The following NECAB2 variants were observed in gnomAD, a reference collection of about 807,000 sequenced individuals.
The protein encoded by NECAB2 is N-terminal EF-hand calcium-binding protein 2.
NECAB2 carries 68 observed loss-of-function variants against 51.9 expected under a neutral mutation model. That is an observed-to-expected ratio of 1.31 (90% confidence interval 1.08 to 1.60). The LOEUF (loss-of-function observed/expected upper bound fraction) is 1.60. Among genes scored for constraint, NECAB2 ranks in the 40% most tolerant of loss-of-function variants. The probability of loss-of-function intolerance (pLI) is 0.00; values close to 1 mark genes in which losing one functional copy is unlikely to be tolerated. For missense variants in NECAB2, 854 were observed against 490.3 expected (o/e 1.74, Z -7.00); for synonymous variants, 329 against 203.5 (o/e 1.62, Z -5.25).
At chr16:83,978,805 C>T (rs995148361) in intron 3 of NECAB2, among the ~76,000 whole-genome samples, 1 of 152,010 alleles carries the variant, frequency 6.6e-6, no homozygotes, top group African/African-American at 2.4e-5. Context: ...CCTGGTTTTG[C>T]ACAGTGGACA....
At chr16:83,997,337 G>T (rs1390789209) in intron 9 of NECAB2, 68 bp downstream of exon 9, 3 of 1,597,448 alleles carry the variant, frequency 1.9e-6, no homozygotes, top group African/African-American at 1.3e-5. Flanking sequence ...CAAGATCCAA[G>T]TGGCTCAATG....
rs561116339 is a variant in NECAB2, at chr16:84,001,660, CCTCCCTGGG to C, written c.1041-163_1041-155del. ...AGCTCACTGCCCACCCCAGAGTCAGCCTCCCTGGGCACCCCCTCACCTTCCCACAAAGGC... is the reference window on the plus strand; with the variant it reads ...AGCTCACTGCCCACCCCAGAGTCAGCCACCCCCTCACCTTCCCACAAAGGC... On this transcript the variant is annotated intron_variant, in intron 11 of 12. Transcript: ENST00000305202. Among the ~76,000 whole-genome samples the C allele has an allele frequency of 1.5e-3, 208 of 140,184 alleles. 1 individual carries two copies. The highest frequency in any genetic ancestry group is 6.7e-3 in the African/African-American group (204 of 30,620). 92.0% of individuals were successfully genotyped at this position (140,184 alleles called of 152,430 possible). A position where few individuals can be genotyped will look rare whatever the true frequency, so the allele number is the denominator to read the frequency against.
chr16:83,983,782 T>G (rs1236825113), intron 5 of NECAB2, among the ~76,000 whole-genome samples: 1 of 152,086 alleles, frequency 6.6e-6, no homozygotes, highest in Non-Finnish European at 1.5e-5. Flanking sequence ...AGCTTGGGAA[T>G]GATTTTGTGA....
At chr16:83,996,379 C>T (rs549269120) in intron 8 of NECAB2, among the ~76,000 whole-genome samples, 69 of 152,322 alleles carry the variant, frequency 4.5e-4, no homozygotes, top group African/African-American at 1.4e-3. Flanking sequence ...AATGAGCGTG[C>T]AAGGTCCCTT....
chr16:84,000,942 C>CTTGCGTCAGTAAA, intron 11 of NECAB2, 141 bp downstream of exon 11: 2 of 781,238 alleles, frequency 2.6e-6, no homozygotes, highest in Non-Finnish European at 4.2e-6. Flanking sequence ...CGCTGGCATG[C>CTTGCGTCAGTAAA]TTGCGTCAGT....
chr16:83,998,255 C>A lies in NECAB2; in HGVS notation c.900C>A (p.Ser300Arg), dbSNP rs142373353. 1.9e-6 allele frequency: 3 copies of A among 1,612,988 alleles called. No homozygotes were observed. The highest frequency in any genetic ancestry group is 1.1e-5 in the South Asian group (1 of 91,082). ...QEMAVCPEQL[S>R]EFLDSLRQYL... ...TGGCCGTGTGCCCCGAGCAACTGAG[C>A]GAGTTTCTGGACTCTCTGCGCCAGT... Residue 300 changes from serine (S) to arginine (R), a missense_variant, in exon 10 of 13, where the codon AGC (serine) becomes AGA (arginine). Ser to Arg is a moderately radical substitution (Grantham distance 110). Coordinates refer to ENST00000305202, the MANE Select transcript of NECAB2 (RefSeq NM_019065.3).
intron 2 of NECAB2, among the ~76,000 whole-genome samples, chr16:83,974,785 G>T (rs1438440589): frequency 1.3e-5 from 2 of 152,174 alleles, no homozygotes; most frequent in Non-Finnish European, 2.9e-5. Flanking sequence ...TGTGGGAATA[G>T]AATGGCTGGG....
chr16:83,979,898 G>A (rs1222517594), intron 3 of NECAB2, among the ~76,000 whole-genome samples: 3 of 152,208 alleles, frequency 2.0e-5, no homozygotes, highest in East Asian at 1.9e-4. Context: ...CCAAAACAGT[G>A]TACAAACCAT....
In NECAB2 at chr16:84,002,308, C is replaced by G; in HGVS notation, c.1133-10C>G. 1.2e-6 allele frequency: 2 copies of G among 1,613,914 alleles called. No individual in the cohort carries two copies. The highest frequency in any genetic ancestry group is 1.3e-5 in the African/African-American group (1 of 75,038). The stretch of plus-strand genomic sequence containing the variant: ...CACTCCTTCCCTCTAACGTGTCTCT[C>G]TCCTTTTAGCTGCTTGGTGCACGGT... On this transcript the variant is annotated splice_polypyrimidine_tract_variant and intron_variant, in intron 12 of 12. Transcript: ENST00000305202.
At chr16:84,000,621 G>C in intron 10 of NECAB2, 103 bp from the exon 11 acceptor site, 2 of 832,172 alleles carry the variant, frequency 2.4e-6, no homozygotes, top group South Asian at 3.2e-5. Flanking sequence ...ATTGAAGGCA[G>C]CCGTTGTGTA....
chr16:83,993,563 G>C (rs2084653113), intron 6 of NECAB2: 1 of 154,030 alleles, frequency 6.5e-6, no homozygotes. Flanking sequence ...GGAGGATTTG[G>C]TCATTCATTG....
chr16:83,965,540 G>A, upstream of NECAB2: 1 of 1,612,746 alleles, frequency 6.2e-7, no homozygotes, highest in Non-Finnish European at 8.5e-7. Flanking sequence ...GGACGACCCT[G>A]GCCTGGTGTT....
rs1555548097 is a variant in NECAB2 at position 83,992,380 on chromosome 16, C to CCCCA, written c.596+1753_596+1754insACCC. Among the ~76,000 whole-genome samples, 112 of 145,240 alleles carry CCCCA rather than the reference C, an allele frequency of 7.7e-4. No homozygotes were observed. The Middle Eastern group carries it at 0.01, about 14-fold the overall frequency. ...TCCCGGGGAACACGAGCACCCGTCC[C>CCCCA]CCCGCCCACCTCCATTTGCTGTTTC... On this transcript the variant is annotated intron_variant, in intron 6 of 12. Transcript: ENST00000305202.
At chr16:83,966,070 G>A, upstream of NECAB2, 1 of 1,299,544 alleles carries the variant, frequency 7.7e-7, no homozygotes, top group Non-Finnish European at 1.0e-6. Context: ...ATCCCTGCTG[G>A]ATGCAGGACC....
In NECAB2 at chr16:83,984,048, T is replaced by C. The variant is rs1386553684; in HGVS notation, c.459+2921T>C. Among the ~76,000 whole-genome samples, 6 of 148,222 alleles carry C rather than the reference T, an allele frequency of 4.0e-5. No homozygotes were observed. In the South Asian group the frequency reaches 6.6e-4, roughly 16 times the overall value. ...TCTCGCTCTGTCATCCAGGCTGGAG[T>C]GCAGTGGCACAGTCCCAGCTCACTG... On this transcript the variant is annotated intron_variant, in intron 5 of 12. Transcript: ENST00000305202.
At position 84,002,597 on chromosome 16, in the gene NECAB2, T is replaced by A. The variant is rs113780577; in HGVS notation, c.*251T>A. ...GGCGGCTTCCTGGAGCCAGCACCCCTGCCTCCTGGTCCTGGCCTCTCCCCT... is the reference window on the plus strand; with the variant it reads ...GGCGGCTTCCTGGAGCCAGCACCCCAGCCTCCTGGTCCTGGCCTCTCCCCT... On this transcript the variant is annotated 3_prime_UTR_variant, in exon 13 of 13. Transcript: ENST00000305202. 5,213 of 579,412 alleles carry A rather than the reference T, an allele frequency of 9.0e-3. 36 individuals are homozygous for A. Among genetic ancestry groups the A allele is most frequent in the Non-Finnish European group, 0.013 (4,203 of 325,066 alleles). 35.9% of individuals were successfully genotyped at this position (579,412 alleles called of 1,614,324 possible). A position where few individuals can be genotyped will look rare whatever the true frequency, so the allele number is the denominator to read the frequency against.
At chr16:83,999,468 G>A (rs778767687) in intron 10 of NECAB2, among the ~76,000 whole-genome samples, 25 of 152,156 alleles carry the variant, frequency 1.6e-4, no homozygotes, top group Non-Finnish European at 2.8e-4. Context: ...AGAGCCAGGT[G>A]AGATTCTACT....
At chr16:83,999,958 C>T (rs2084792110) in intron 10 of NECAB2, among the ~76,000 whole-genome samples, 1 of 152,212 alleles carries the variant, frequency 6.6e-6, no homozygotes, top group Non-Finnish European at 1.5e-5. Context: ...GGAAGCTCAG[C>T]TCACTGCAAC....
At chr16:84,001,702 C>T in intron 11 of NECAB2, 123 bp from the exon 12 acceptor site, 1 of 1,019,800 alleles carries the variant, frequency 9.8e-7, no homozygotes, top group African/African-American at 1.7e-5. Context: ...GGCTCTGAGT[C>T]CAAAGACCCC....
Sources: allele counts gnomAD v4.1 joint callset (sites outside exome capture counted in the v4.1 genomes callset), GRCh38; gene constraint gnomAD v4.1.1; transcripts MANE v1.5; gene names NCBI Gene and HGNC (gene_info 2026-07-23, HGNC 2026-07-21).